Variants in HLCS observed in about 807,000 individuals in gnomAD.
HLCS encodes biotin--protein ligase.
HLCS carries 53 observed loss-of-function variants against 75.0 expected under a neutral mutation model. That is an observed-to-expected ratio of 0.71 (90% confidence interval 0.57 to 0.89). HLCS has a LOEUF of 0.89. HLCS is among the 40% of genes least tolerant of loss of function. The pLI, the probability that HLCS is intolerant of heterozygous loss-of-function variation, is 0.00. For missense variants in HLCS, 966 were observed against 1,074.0 expected, an observed-to-expected ratio of 0.90 and a Z score of 1.41; for synonymous variants, 431 against 428.6, an observed-to-expected ratio of 1.01 and a Z score of -0.07.
chr21:36,870,504 T>C (rs1468945854), intron 6 of HLCS, among the ~76,000 whole-genome samples: 1 of 152,244 alleles, frequency 6.6e-6, no homozygotes. Flanking sequence ...AACTAGGTTA[T>C]CAATAAATAG....
intron 6 of HLCS, among the ~76,000 whole-genome samples, chr21:36,788,188 G>A (rs948379260): frequency 1.3e-5 from 2 of 152,176 alleles, no homozygotes; most frequent in African/African-American, 2.4e-5. Context: ...CCAAATGCTC[G>A]GTGAAGCGTC....
At chr21:36,931,918 G>A (rs75869476) in intron 4 of HLCS, among the ~76,000 whole-genome samples, 2,657 of 152,218 alleles carry the variant, frequency 0.017, 83 homozygotes, top group African/African-American at 0.06. Context: ...ATGTCTGCAC[G>A]GGTTTTCTCT....
intron 1 of HLCS, among the ~76,000 whole-genome samples, chr21:36,983,679 T>C (rs537257878): frequency 5.3e-5 from 8 of 151,440 alleles, no homozygotes; most frequent in African/African-American, 1.9e-4. Context: ...CTACTAAAAA[T>C]ACAAAAAATT....
chr21:36,880,709 G>A (rs139917830), intron 6 of HLCS, among the ~76,000 whole-genome samples: 121 of 152,210 alleles, frequency 7.9e-4, no homozygotes, highest in Non-Finnish European at 1.1e-3. Context: ...CCGATTCCAC[G>A]GCAGGTTCTA....
intron 6 of HLCS, among the ~76,000 whole-genome samples, chr21:36,785,528 C>T (rs1432948621): frequency 6.6e-6 from 1 of 152,190 alleles, no homozygotes; most frequent in Non-Finnish European, 1.5e-5. Context: ...GCTGGCAAGA[C>T]ATTTTATATC....
intron 6 of HLCS, among the ~76,000 whole-genome samples, chr21:36,809,386 T>C (rs540026766): frequency 5.3e-5 from 8 of 152,364 alleles, no homozygotes; most frequent in South Asian, 2.1e-4. Flanking sequence ...CAACTTTGGT[T>C]TTCAAAAGTT....
At position 36,754,374 on chromosome 21, in the gene HLCS, A is replaced by C. The variant is rs1568956511; in HGVS notation, c.2494T>G (p.Ser832Ala). The C allele has an allele frequency of 1.2e-6, 2 of 1,613,806 alleles. No homozygotes were observed. Among genetic ancestry groups the C allele is most frequent in the South Asian group, 2.2e-5 (2 of 91,048 alleles). Residue 832 changes from serine (S) to alanine (A), a missense_variant, in exon 11 of 11, where the codon TCC (serine) becomes GCC (alanine). Ser to Ala is a moderately conservative substitution (Grantham distance 99). Coordinates refer to ENST00000674895, the MANE Select transcript of HLCS (RefSeq NM_001352514.2). Reference sequence around the variant, plus strand: ...CCAGAATCGTCCAGGCCAACGATGGACACCTTTGGTCCCTCTGCGCTGCCC... The same window carrying C: ...CCAGAATCGTCCAGGCCAACGATGGCCACCTTTGGTCCCTCTGCGCTGCCC... ...HLGSAEGPKV[S>A]IVGLDDSGFL...
chr21:36,960,913 T>C (rs1179256969), intron 2 of HLCS, among the ~76,000 whole-genome samples: 1 of 152,178 alleles, frequency 6.6e-6, no homozygotes, highest in Non-Finnish European at 1.5e-5. Context: ...TGACTAACTC[T>C]GGCCATCAAG....
Position 36,937,378 on chromosome 21 carries a change from C to T in HLCS, c.508G>A (p.Asp170Asn), listed in dbSNP as rs149822970. 4.0e-5 allele frequency: 64 copies of T among 1,613,506 alleles called. No homozygotes were observed. The African/African-American group carries it at 7.6e-4, about 19-fold the overall frequency. ...TCCTTAACTTCCTTCAGAGTGGAGTCCTGCAAGTGCACCGCTAAGGCATGA... is the reference window on the plus strand; with the variant it reads ...TCCTTAACTTCCTTCAGAGTGGAGTTCTGCAAGTGCACCGCTAAGGCATGA... ...PQKIVSVHLQ[D>N]STLKEVKDQV... The change falls in exon 4 of 11, where the codon GAC (aspartate) becomes AAC (asparagine). Residue 170 changes from aspartate (D) to asparagine (N), a missense_variant. By Grantham distance (23) the Asp-to-Asn change is conservative. Transcript: ENST00000674895.
At position 36,938,926 on chromosome 21, in the gene HLCS, A is replaced by G; in HGVS notation, c.399T>C (p.Ala133=). 6.2e-7 allele frequency: 1 copy of G among 1,613,914 alleles called. No individual in the cohort carries two copies. The highest frequency in any genetic ancestry group is 1.1e-5 in the South Asian group (1 of 91,086). The change falls in exon 3 of 11, where the codon GCT becomes GCC. Residue 133 remains alanine (A), a synonymous_variant. Coordinates refer to ENST00000674895, the MANE Select transcript of HLCS (RefSeq NM_001352514.2). The part of the protein sequence containing the change: ...CRPGDPYRLI[A]EASVDNFSKL... ...TGCTGAAGTTGTCCACACTTGCTTC[A>G]GCAATTAGCCGATAAGGATCCCCAG... is the stretch of plus-strand genomic sequence containing the variant.
chr21:36,937,188 G>A lies in HLCS; in HGVS notation c.698C>T (p.Ala233Val). The A allele has an allele frequency of 6.2e-7, 1 of 1,614,164 alleles. No homozygotes were observed. Among genetic ancestry groups the A allele is most frequent in the Non-Finnish European group, 8.5e-7 (1 of 1,180,026 alleles). ...GCCCCCTCCCCTGTCACTGTCCCCA[G>A]CAGGCTCACTCCCAGAGGCACTGCC... ...RRGSASGSEP[A>V]GDSDRGGGPV... The change falls in exon 4 of 11, where the codon GCT becomes GTT. Residue 233 changes from alanine to valine, a missense_variant. Coordinates refer to ENST00000674895, the MANE Select transcript of HLCS (RefSeq NM_001352514.2).
intron 8 of HLCS, 129 bp downstream of exon 8, chr21:36,764,883 G>T: frequency 1.0e-6 from 1 of 996,460 alleles, no homozygotes; most frequent in Non-Finnish European, 1.6e-6. Flanking sequence ...AGAGCACTTT[G>T]CTGCCAGCTG....
intron 5 of HLCS, among the ~76,000 whole-genome samples, chr21:36,906,955 TG>T (rs2065484846): frequency 6.6e-6 from 1 of 152,114 alleles, no homozygotes; most frequent in South Asian, 2.1e-4. Flanking sequence ...TACCACCCAG[TG>T]GGGAGTGCAG....
intron 6 of HLCS, among the ~76,000 whole-genome samples, chr21:36,829,163 G>A (rs542012939): frequency 8.5e-5 from 13 of 152,282 alleles, no homozygotes; most frequent in East Asian, 3.9e-4. Flanking sequence ...CGCATCTGTT[G>A]TCAGTTCTAC....
intron 6 of HLCS, among the ~76,000 whole-genome samples, chr21:36,773,164 TA>T (rs1212577411): frequency 1.3e-5 from 2 of 152,212 alleles, no homozygotes; most frequent in African/African-American, 4.8e-5. Flanking sequence ...TAAATCCTAT[TA>T]AAAAAAGATT....
chr21:36,835,167 C>T lies in HLCS; in HGVS notation c.1892+61693G>A, dbSNP rs537049089. Among the ~76,000 whole-genome samples the T allele has an allele frequency of 3.9e-5, 6 of 152,274 alleles. No homozygotes were observed. The South Asian group carries it at 1.2e-3, about 32-fold the overall frequency. On this transcript the variant is annotated intron_variant, in intron 6 of 10. Transcript: ENST00000674895. ...AAGATTTAAAGTAAATGGGGGATTC[C>T]AAGACGTCTGATTCAGATGATCAGT...
chr21:36,946,345 A>T (rs1246961281), intron 2 of HLCS, among the ~76,000 whole-genome samples: 1 of 152,024 alleles, frequency 6.6e-6, no homozygotes, highest in African/African-American at 2.4e-5. Context: ...GGGCTCCAGC[A>T]ATCCTCCCAA....
intron 1 of HLCS, among the ~76,000 whole-genome samples, chr21:36,965,881 G>A (rs999207245): frequency 1.3e-5 from 2 of 152,106 alleles, no homozygotes; most frequent in African/African-American, 4.8e-5. Context: ...CTCCAGAGTA[G>A]CTGGGACTAC....
intron 4 of HLCS, among the ~76,000 whole-genome samples, chr21:36,930,812 C>T (rs2066603948): frequency 6.6e-6 from 1 of 152,198 alleles, no homozygotes; most frequent in Non-Finnish European, 1.5e-5. Flanking sequence ...AGCTGTATAT[C>T]TGGAAAGTCA....
Sources: gnomAD v4.1 joint callset for allele counts (sites outside exome capture counted in the v4.1 genomes callset) on GRCh38, gnomAD v4.1.1 for gene constraint, MANE v1.5 for transcripts, NCBI Gene and HGNC (gene_info 2026-07-23, HGNC 2026-07-21) for gene names.